The following ZNF827 variants were observed in gnomAD, a reference collection of about 807,000 sequenced individuals.
ZNF827 encodes zinc finger protein 827.
Under a neutral mutation model 102.4 loss-of-function variants are expected in ZNF827, and 13 were observed. The observed-to-expected ratio is 0.13, with a 90% confidence interval of 0.08 to 0.20. ZNF827 has a LOEUF of 0.20. Ranked by LOEUF, ZNF827 falls within the 10% of genes least tolerant of loss-of-function variation. ZNF827 has a pLI of 1.00. For synonymous variants in ZNF827, 523 were observed against 536.2 expected, an observed-to-expected ratio of 0.98 and a Z score of 0.34; for missense variants, 1,103 against 1,344.4, an observed-to-expected ratio of 0.82 and a Z score of 2.81.
intron 7 of ZNF827, among the ~76,000 whole-genome samples, chr4:145,824,812 T>A (rs899602980): frequency 6.6e-6 from 1 of 152,158 alleles, no homozygotes; most frequent in African/African-American, 2.4e-5. Context: ...TTGCTAAACA[T>A]GCCACAAGGC....
intron 1 of ZNF827, 73 bp downstream of exon 1, chr4:145,938,292 A>G: frequency 6.4e-7 from 1 of 1,559,700 alleles, no homozygotes; most frequent in Non-Finnish European, 8.8e-7. Context: ...ACAACGGAGG[A>G]GGCTGCGGAG....
intron 2 of ZNF827, among the ~76,000 whole-genome samples, chr4:145,900,862 T>C (rs934672693): frequency 3.9e-5 from 6 of 152,164 alleles, no homozygotes; most frequent in African/African-American, 1.4e-4. Flanking sequence ...TTTCTCTCCT[T>C]ATTTCACCAG....
chr4:145,882,528 G>T (rs760308442), intron 4 of ZNF827, among the ~76,000 whole-genome samples: 1 of 151,926 alleles, frequency 6.6e-6, no homozygotes, highest in East Asian at 1.9e-4. Context: ...GGGGTGGGGG[G>T]TATTGAGAGT....
chr4:145,934,996 T>C (rs1191195575), intron 1 of ZNF827, among the ~76,000 whole-genome samples: 2 of 152,230 alleles, frequency 1.3e-5, no homozygotes, highest in Non-Finnish European at 2.9e-5. Context: ...CTTTTGTATT[T>C]ACTCAAAAGG....
Position 145,760,739 on chromosome 4 carries a change from T to A in ZNF827, c.*877A>T. 2 of 877,668 alleles carry A rather than the reference T, an allele frequency of 2.3e-6. No individual in the cohort carries two copies. The highest frequency in any genetic ancestry group is 2.7e-6 in the Non-Finnish European group (2 of 744,080). 54.4% of individuals were successfully genotyped at this position (877,668 alleles called of 1,614,324 possible). ...TTTGTGGTTTTTTTTTTTTTTTTTG[T>A]CTTTTGTCTCTCTGTTTTTGGTACA... On this transcript the variant is annotated 3_prime_UTR_variant, in exon 15 of 15. Transcript: ENST00000508784.
intron 1 of ZNF827, among the ~76,000 whole-genome samples, chr4:145,930,822 CCTCT>C (rs1043769374): frequency 2.6e-5 from 4 of 152,216 alleles, no homozygotes; most frequent in Middle Eastern, 3.4e-3. Context: ...TACAGTGCAG[CCTCT>C]CTGTGTGTGT....
At chr4:145,795,192 G>A (rs928024853) in intron 8 of ZNF827, among the ~76,000 whole-genome samples, 1 of 152,188 alleles carries the variant, frequency 6.6e-6, no homozygotes, top group Admixed American at 6.5e-5. Context: ...CCCTCGCCCA[G>A]GGTGGAGTGT....
chr4:145,818,312 C>T (rs1742797106), intron 8 of ZNF827, among the ~76,000 whole-genome samples: 1 of 152,208 alleles, frequency 6.6e-6, no homozygotes, highest in Admixed American at 6.5e-5. Context: ...GCTGCCCCTC[C>T]TCAACTGTAT....
chr4:145,903,254 G>T, intron 1 of ZNF827, 39 bp from the exon 2 acceptor site: 1 of 1,556,922 alleles, frequency 6.4e-7, no homozygotes. Flanking sequence ...CTCCCAAAGT[G>T]AACAATAAGT....
intron 6 of ZNF827, 26 bp from the exon 7 acceptor site, chr4:145,846,039 C>T (rs757588691): frequency 2.9e-5 from 46 of 1,612,786 alleles, no homozygotes; most frequent in Non-Finnish European, 1.8e-5. Context: ...ATGAAACATA[C>T]ACCTCTTAGG....
chr4:145,844,231 T>G (rs1251117862), intron 7 of ZNF827, among the ~76,000 whole-genome samples: 2 of 151,966 alleles, frequency 1.3e-5, no homozygotes, highest in African/African-American at 4.8e-5. Context: ...ATATACAAAA[T>G]AGCCTTTCCA....
chr4:145,806,978 C>T (rs907492518), intron 8 of ZNF827, among the ~76,000 whole-genome samples: 6 of 152,300 alleles, frequency 3.9e-5, no homozygotes, highest in East Asian at 1.9e-4. Context: ...AGTAACCACC[C>T]TCAAACTTCA....
intron 1 of ZNF827, among the ~76,000 whole-genome samples, chr4:145,922,183 G>C (rs1348176827): frequency 1.3e-5 from 2 of 152,176 alleles, no homozygotes; most frequent in African/African-American, 4.8e-5. Flanking sequence ...TAAAGCTGAA[G>C]ACGCACATGC....
At chr4:145,831,571 G>A (rs186451752) in intron 7 of ZNF827, 1 of 152,214 alleles carries the variant, frequency 6.6e-6, no homozygotes, top group East Asian at 1.9e-4. Flanking sequence ...GCTAAGATGG[G>A]TTTCCTCTCC....
chr4:145,834,753 G>A (rs1210864736), intron 7 of ZNF827, among the ~76,000 whole-genome samples: 3 of 151,980 alleles, frequency 2.0e-5, no homozygotes, highest in African/African-American at 4.8e-5. Context: ...TCAAAAGGCC[G>A]TCTTATTCTC....
intron 5 of ZNF827, among the ~76,000 whole-genome samples, chr4:145,855,816 C>T (rs1747039747): frequency 1.3e-5 from 2 of 152,182 alleles, no homozygotes; most frequent in Admixed American, 1.3e-4. Flanking sequence ...ATCCCCTCAC[C>T]CTATGACTGG....
At chr4:145,896,330 A>G (rs1750969131) in intron 2 of ZNF827, among the ~76,000 whole-genome samples, 1 of 152,220 alleles carries the variant, frequency 6.6e-6, no homozygotes, top group African/African-American at 2.4e-5. Flanking sequence ...AAATAAGCAG[A>G]AGTCCATAGT....
At position 145,841,553 on chromosome 4, in the gene ZNF827, T is replaced by C. The variant is rs117320592; in HGVS notation, c.2279+4403A>G. Among the ~76,000 whole-genome samples the C allele has an allele frequency of 4.6e-4, 70 of 152,338 alleles. 2 individuals carry two copies. The East Asian group carries it at 0.013, about 28-fold the overall frequency. On this transcript the variant is annotated intron_variant, in intron 7 of 14. Transcript: ENST00000508784. ...CTCTCTCCTCATCTCATTTGTCAGA[T>C]AGAGTGGCATTAACAACACTCAGTC...
rs1379687381 is a variant in ZNF827, at chr4:145,759,476, A to C, written c.*2140T>G. The C allele has an allele frequency of 3.3e-5, 5 of 152,218 alleles. No individual in the cohort carries two copies. Among genetic ancestry groups the C allele is most frequent in the Non-Finnish European group, 5.9e-5 (4 of 68,026 alleles). 9.4% of individuals were successfully genotyped at this position (152,218 alleles called of 1,614,324 possible). ...CATCTACCAGGCGTTAACAAAATGG[A>C]ATACAGAATTACTAATAACATGGAG... On this transcript the variant is annotated 3_prime_UTR_variant, in exon 15 of 15. Coordinates refer to ENST00000508784, the MANE Select transcript of ZNF827 (RefSeq NM_001306215.2).
Sources: allele counts gnomAD v4.1 joint callset (sites outside exome capture counted in the v4.1 genomes callset), GRCh38; gene constraint gnomAD v4.1.1; transcripts MANE v1.5; gene names NCBI Gene and HGNC (gene_info 2026-07-23, HGNC 2026-07-21).